Variants in GRM5 observed in about 807,000 individuals in gnomAD.
GRM5 encodes metabotropic glutamate receptor 5.
Under a neutral mutation model 83.1 loss-of-function variants are expected in GRM5, and 19 were observed. That is an observed-to-expected ratio of 0.23 (90% confidence interval 0.16 to 0.34). The LOEUF is 0.34. Ranked by LOEUF, GRM5 falls within the 10% of genes least tolerant of loss-of-function variation. The pLI is 1.00. For missense variants in GRM5, 1,160 were observed against 1,588.3 expected (o/e 0.73, Z 4.58); for synonymous variants, 675 against 633.6 (o/e 1.07, Z -0.98).
chr11:88,814,103 T>C (rs1477363675), intron 3 of GRM5, among the ~76,000 whole-genome samples: 1 of 152,202 alleles, frequency 6.6e-6, no homozygotes, highest in African/African-American at 2.4e-5. Context: ...TACCATCCTA[T>C]GTGAAACAAT....
At chr11:88,932,686 A>G (rs1249189912) in intron 2 of GRM5, among the ~76,000 whole-genome samples, 11 of 151,480 alleles carry the variant, frequency 7.3e-5, no homozygotes, top group Admixed American at 7.3e-4. Flanking sequence ...ATATTTTGGT[A>G]ATTTAAAAAT....
intron 2 of GRM5, among the ~76,000 whole-genome samples, chr11:88,894,258 A>T (rs1437616752): frequency 6.6e-6 from 1 of 151,994 alleles, no homozygotes; most frequent in Non-Finnish European, 1.5e-5. Context: ...TGTAAATCAG[A>T]CACCGCCACC....
intron 3 of GRM5, among the ~76,000 whole-genome samples, chr11:88,764,420 T>C (rs7947200): frequency 0.64 from 97,092 of 151,424 alleles, 31,933 homozygotes; most frequent in Non-Finnish European, 0.73. Context: ...TATGTGCATA[T>C]GGGACATTTT....
chr11:88,760,670 A>C (rs934963791), intron 3 of GRM5, among the ~76,000 whole-genome samples: 4 of 152,056 alleles, frequency 2.6e-5, no homozygotes, highest in Admixed American at 1.3e-4. Context: ...AAACTATTTC[A>C]AAAAATTGAG....
At chr11:89,041,591 AATT>A in intron 2 of GRM5, among the ~76,000 whole-genome samples, 1 of 152,316 alleles carries the variant, frequency 6.6e-6, no homozygotes, top group African/African-American at 2.4e-5. Flanking sequence ...CTCTCTTAGA[AATT>A]ATTTACTGAG....
intron 4 of GRM5, among the ~76,000 whole-genome samples, chr11:88,631,154 C>CA (rs1449050682): frequency 6.6e-6 from 1 of 152,112 alleles, no homozygotes; most frequent in Admixed American, 6.6e-5. Flanking sequence ...TCATATATAG[C>CA]ATCTGACACT....
In GRM5 at chr11:88,604,987, T is replaced by C. The variant is rs770312866; in HGVS notation, c.1148-23A>G. 11 of 1,596,998 alleles carry C rather than the reference T, an allele frequency of 6.9e-6. No individual in the cohort carries two copies. The East Asian group carries it at 2.0e-4, about 29-fold the overall frequency. On this transcript the variant is annotated intron_variant, in intron 4 of 9. Transcript: ENST00000305447. ...AACCTGTTGGGAAACAAATTAAGCA[T>C]AGCTTTGAGGTACAAATCTACTCTC...
chr11:88,680,192 G>C (rs1255326722), intron 3 of GRM5, among the ~76,000 whole-genome samples: 1 of 151,974 alleles, frequency 6.6e-6, no homozygotes, highest in Non-Finnish European at 1.5e-5. Context: ...TAACTTACTC[G>C]ACATTTACAT....
chr11:88,826,197 C>T (rs1360165433), intron 3 of GRM5, among the ~76,000 whole-genome samples: 4 of 151,928 alleles, frequency 2.6e-5, no homozygotes, highest in East Asian at 1.9e-4. Flanking sequence ...TCAGTTTTAG[C>T]AATTTTTAAG....
At position 88,567,821 on chromosome 11, in the gene GRM5, A is replaced by T; in HGVS notation, c.1862T>A (p.Ile621Asn). The T allele has an allele frequency of 6.2e-7, 1 of 1,614,162 alleles. No homozygotes were observed. Among genetic ancestry groups the T allele is most frequent in the South Asian group, 1.1e-5 (1 of 91,088 alleles). ...GTAGCCCAGGCAGATGCCAGCAAGG[A>T]TAATGTAGCAGAGTTCCCTGCTTGA... ...KSSSRELCYI[I>N]LAGICLGYLC... The change falls in exon 8 of 10, where the codon ATC (isoleucine) becomes AAC (asparagine). Residue 621 changes from isoleucine to asparagine, a missense_variant. Physicochemically the swap from Ile to Asn is moderately radical, Grantham distance 149 (BLOSUM62 -3). Coordinates refer to ENST00000305447, the MANE Select transcript of GRM5 (RefSeq NM_001143831.3). The surrounding 1 kb of genome is among the most constrained non-coding windows in gnomAD (Gnocchi z 7.3).
intron 3 of GRM5, among the ~76,000 whole-genome samples, chr11:88,831,387 T>A (rs1390333440): frequency 6.6e-6 from 1 of 152,210 alleles, no homozygotes; most frequent in African/African-American, 2.4e-5. Context: ...GCCTCCTGCC[T>A]ATGGCTTTTG....
At chr11:88,890,882 T>G (rs936201184) in intron 2 of GRM5, among the ~76,000 whole-genome samples, 7 of 152,090 alleles carry the variant, frequency 4.6e-5, no homozygotes, top group African/African-American at 1.7e-4. Context: ...CTGAACAGTT[T>G]TAAAGGCAAG....
At chr11:88,638,145 G>T (rs1030643164) in intron 4 of GRM5, among the ~76,000 whole-genome samples, 6 of 132,304 alleles carry the variant, frequency 4.5e-5, no homozygotes, top group East Asian at 2.4e-4. Flanking sequence ...TCACACTCTG[G>T]GGACTGTGGT....
intron 3 of GRM5, among the ~76,000 whole-genome samples, chr11:88,833,130 A>G (rs1418175382): frequency 6.6e-6 from 1 of 152,192 alleles, no homozygotes; most frequent in Non-Finnish European, 1.5e-5. Flanking sequence ...TTTTAAACCA[A>G]AAAGCTTCTG....
At chr11:88,666,023 T>G (rs1014019238) in intron 3 of GRM5, among the ~76,000 whole-genome samples, 2 of 152,180 alleles carry the variant, frequency 1.3e-5, no homozygotes, top group Admixed American at 1.3e-4. Context: ...TATCAGTGAA[T>G]ATCTGGGAGG....
chr11:88,730,008 A>C (rs768115147), intron 3 of GRM5, among the ~76,000 whole-genome samples: 2 of 152,224 alleles, frequency 1.3e-5, no homozygotes, highest in Non-Finnish European at 2.9e-5. Context: ...AGCAATGGCA[A>C]CAAAAGCCAA....
intron 3 of GRM5, among the ~76,000 whole-genome samples, chr11:88,654,850 G>T (rs1283278108): frequency 1.3e-5 from 2 of 151,916 alleles, no homozygotes; most frequent in Non-Finnish European, 2.9e-5. Flanking sequence ...TATTATGTAA[G>T]TAATTAATTT....
At chr11:88,783,057 A>G (rs970851965) in intron 3 of GRM5, among the ~76,000 whole-genome samples, 1 of 152,180 alleles carries the variant, frequency 6.6e-6, no homozygotes, top group Admixed American at 6.6e-5. Flanking sequence ...AGTCCGCCTG[A>G]CTTAAAGGCT....
chr11:88,785,062 A>T (rs982833400), intron 3 of GRM5, among the ~76,000 whole-genome samples: 1 of 152,090 alleles, frequency 6.6e-6, no homozygotes, highest in African/African-American at 2.4e-5. Flanking sequence ...ACCGCAGGAC[A>T]TTTCAATTAC....
Sources: gnomAD v4.1 joint callset for allele counts (sites outside exome capture counted in the v4.1 genomes callset) on GRCh38, gnomAD v4.1.1 for gene constraint, Gnocchi (gnomAD v3.1) non-coding constraint, MANE v1.5 for transcripts, NCBI Gene and HGNC (gene_info 2026-07-23, HGNC 2026-07-21) for gene names.